Variants in RIMBP2 observed in about 807,000 individuals in gnomAD.
RIMBP2 encodes RIMS-binding protein 2.
Under a neutral mutation model 118.6 loss-of-function variants are expected in RIMBP2, and 48 were observed. The ratio of observed to expected loss-of-function variants is 0.40; its 90% CI spans 0.32 to 0.51. The LOEUF (loss-of-function observed/expected upper bound fraction) is 0.51. Ranked by LOEUF, RIMBP2 falls within the 20% of genes least tolerant of loss-of-function variation. RIMBP2 has a pLI of 0.41. For synonymous variants in RIMBP2, 762 were observed against 742.9 expected, an observed-to-expected ratio of 1.03 and a Z score of -0.42; for missense variants, 1,551 against 1,768.3, an observed-to-expected ratio of 0.88 and a Z score of 2.20.
In RIMBP2 at chr12:130,419,616, G is replaced by A. The variant is rs2076299207; in HGVS notation, c.3238+2837C>T. The A allele has an allele frequency of 1.3e-5, 2 of 152,188 alleles. No homozygotes were observed. Among genetic ancestry groups the A allele is most frequent in the Non-Finnish European group, 2.9e-5 (2 of 68,032 alleles). 9.4% of individuals were successfully genotyped at this position (152,188 alleles called of 1,614,324 possible). ...AAGCTTTGTCAATAGAGTTACTAAT[G>A]TTTTTATTTTTCCTCCCTGGACACA... On this transcript the variant is annotated intron_variant, in intron 17 of 22. Transcript: ENST00000690449. The surrounding 1 kb of genome is among the most constrained non-coding windows in gnomAD (Gnocchi z 4.3).
In RIMBP2 at chr12:130,623,529, CAGTT is replaced by C. The variant is rs1356601170; in HGVS notation, c.-217+4789_-217+4792del. On this transcript the variant is annotated intron_variant, in intron 2 of 22. Coordinates refer to ENST00000690449, the MANE Select transcript of RIMBP2 (RefSeq NM_001393629.1). The surrounding 1 kb of genome is among the most constrained non-coding windows in gnomAD (Gnocchi z 4.1). ...ATAATAATTAGGCATGGTTAGGGGA[CAGTT>C]AGTTAACTGTTGTCATCTGTGTGTG... 2.0e-5 allele frequency among the ~76,000 whole-genome samples: 3 copies of C among 152,066 alleles called. No homozygotes were observed. Among genetic ancestry groups the C allele is most frequent in the Non-Finnish European group, 4.4e-5 (3 of 68,014 alleles).
chr12:130,622,734 C>T lies in RIMBP2; in HGVS notation c.-217+5588G>A, dbSNP rs759633272. On this transcript the variant is annotated intron_variant, in intron 2 of 22. Coordinates refer to ENST00000690449, the MANE Select transcript of RIMBP2 (RefSeq NM_001393629.1). The surrounding 1 kb of genome is among the most constrained non-coding windows in gnomAD (Gnocchi z 8.5). ...TGTCTATTTTATTGCCTGTACAACACTCTTGGAAATATTGGGCTAGTTGGC... is the reference window on the plus strand; with the variant it reads ...TGTCTATTTTATTGCCTGTACAACATTCTTGGAAATATTGGGCTAGTTGGC... 6.6e-6 allele frequency among the ~76,000 whole-genome samples: 1 copy of T among 152,160 alleles called. No homozygotes were observed. Among genetic ancestry groups the T allele is most frequent in the Non-Finnish European group, 1.5e-5 (1 of 68,028 alleles).
intron 1 of RIMBP2, among the ~76,000 whole-genome samples, chr12:130,684,472 CA>C (rs1234540415): frequency 6.6e-6 from 1 of 152,098 alleles, no homozygotes; most frequent in Non-Finnish European, 1.5e-5. Context: ...CAAAGGCGTT[CA>C]AACCATAGCG....
At chr12:130,640,999 A>T (rs1050960989) in intron 1 of RIMBP2, among the ~76,000 whole-genome samples, 1 of 152,242 alleles carries the variant, frequency 6.6e-6, no homozygotes, top group Non-Finnish European at 1.5e-5. Context: ...TATTAAAGCT[A>T]ACTAATGTCG....
intron 1 of RIMBP2, among the ~76,000 whole-genome samples, chr12:130,714,782 T>A (rs1007211306): frequency 3.3e-5 from 5 of 151,960 alleles, no homozygotes; most frequent in African/African-American, 1.2e-4. Context: ...ACCCTGCCCA[T>A]CCCACTGGGA....
chr12:130,424,766 G>A lies in RIMBP2; in HGVS notation c.2505C>T (p.Pro835=), dbSNP rs536366792. 2.7e-4 allele frequency: 337 copies of A among 1,232,664 alleles called. No homozygotes were observed. The highest frequency in any genetic ancestry group is 4.5e-4 in the African/African-American group (29 of 64,540). The allele number at this position is 1,232,664 out of a possible 1,614,324, so 76.4% of individuals were successfully genotyped here. A position where few individuals can be genotyped will look rare whatever the true frequency, so the allele number is the denominator to read the frequency against. The change falls in exon 16 of 23, where the codon CCC becomes CCT. Residue 835 remains proline (P), a synonymous_variant. Transcript: ENST00000690449. The surrounding 1 kb of genome is among the most constrained non-coding windows in gnomAD (Gnocchi z 9.8). ...QPHRKRLFSI[P]EVAEEDGECC... ...ACTCTCCGTCCTCTTCCGCTACTTCGGGGATACTGAAAAGTCTCTTCCTGT... is the reference window on the plus strand; with the variant it reads ...ACTCTCCGTCCTCTTCCGCTACTTCAGGGATACTGAAAAGTCTCTTCCTGT...
chr12:130,704,512 T>C (rs1361980599), intron 1 of RIMBP2, among the ~76,000 whole-genome samples: 2 of 152,040 alleles, frequency 1.3e-5, no homozygotes, highest in East Asian at 3.9e-4. Context: ...GAGGCAGAGG[T>C]TGCAGTGAGC....
At chr12:130,532,460 C>T (rs2053540332) in intron 2 of RIMBP2, among the ~76,000 whole-genome samples, 2 of 148,830 alleles carry the variant, frequency 1.3e-5, no homozygotes, top group Non-Finnish European at 1.5e-5. Flanking sequence ...TAATGAGATG[C>T]GTGTGTTCAG....
At chr12:130,672,598 TA>T (rs2064250912) in intron 1 of RIMBP2, among the ~76,000 whole-genome samples, 1 of 152,172 alleles carries the variant, frequency 6.6e-6, no homozygotes, top group African/African-American at 2.4e-5. Context: ...AGTTGCCAGC[TA>T]AGCCAGAACC....
chr12:130,451,768 C>T (rs993812152), intron 7 of RIMBP2, among the ~76,000 whole-genome samples: 3 of 151,786 alleles, frequency 2.0e-5, no homozygotes, highest in Non-Finnish European at 4.4e-5. Context: ...TGGATCCCGG[C>T]GATGGGCTTG....
Position 130,422,754 on chromosome 12 carries a change from C to T in RIMBP2, c.3130-193G>A, listed in dbSNP as rs765080412. Among the ~76,000 whole-genome samples the T allele has an allele frequency of 5.3e-5, 8 of 152,208 alleles. No homozygotes were observed. The highest frequency in any genetic ancestry group is 1.2e-4 in the African/African-American group (5 of 41,446). ...CAGCACCCCACTGTCTACTCGGAGC[C>T]GCTGCTGGGCGCATGGTGGGGTGAG... On this transcript the variant is annotated intron_variant, in intron 16 of 22. Coordinates refer to ENST00000690449, the MANE Select transcript of RIMBP2 (RefSeq NM_001393629.1). This position sits in a 1 kb window ranked among gnomAD's most constrained non-coding sequence, Gnocchi z 5.2.
At chr12:130,631,356 T>C (rs758206629) in intron 1 of RIMBP2, among the ~76,000 whole-genome samples, 3 of 152,168 alleles carry the variant, frequency 2.0e-5, no homozygotes, top group African/African-American at 4.8e-5. Context: ...AATTTAACTA[T>C]GTGTATAGAC....
chr12:130,526,885 G>A (rs2052847506), intron 2 of RIMBP2, among the ~76,000 whole-genome samples: 1 of 152,110 alleles, frequency 6.6e-6, no homozygotes, highest in Non-Finnish European at 1.5e-5. Context: ...TAGCCTAAAG[G>A]CATGGGTGGG....
intron 9 of RIMBP2, among the ~76,000 whole-genome samples, chr12:130,445,889 A>G (rs1191631845): frequency 1.3e-5 from 2 of 152,180 alleles, no homozygotes; most frequent in Non-Finnish European, 2.9e-5. Flanking sequence ...ATATTTTTGC[A>G]CACTTCCACA....
chr12:130,597,390 C>T (rs1472471278), intron 2 of RIMBP2, among the ~76,000 whole-genome samples: 6 of 152,264 alleles, frequency 3.9e-5, no homozygotes, highest in African/African-American at 1.4e-4. Context: ...ATTACAGGCA[C>T]ATGCCACCAC....
intron 1 of RIMBP2, among the ~76,000 whole-genome samples, chr12:130,662,636 CAG>C (rs1006245897): frequency 6.6e-6 from 1 of 151,560 alleles, no homozygotes; most frequent in Non-Finnish European, 1.5e-5. Context: ...AGCCTGGTGA[CAG>C]AGCAAGACTC....
intron 2 of RIMBP2, among the ~76,000 whole-genome samples, chr12:130,610,175 C>T (rs541664954): frequency 0.011 from 1,653 of 151,600 alleles, 24 homozygotes; most frequent in African/African-American, 0.037. Flanking sequence ...CGGTCCCTCC[C>T]GTTCTGGGGG....
rs568840551 is a variant in RIMBP2, at chr12:130,397,425, T to A, written c.4025A>T (p.Lys1342Ile). ...TTTGGAAAGCAGCCCCTTTTTCTTT[T>A]TCGAGGACATTTCCCTGCCTCTCCC... ...SPGRGREMSS[K>I]KKKGLLSKGK... The change falls in exon 23 of 23, where the codon AAA becomes ATA. Residue 1342 changes from lysine to isoleucine, a missense_variant. Around this residue, in one of 5 missense-constraint regions of RIMBP2, gnomAD observed 1,038 missense variants for 1,125.1 expected, o/e 0.92. Transcript: ENST00000690449. 1 of 398,978 alleles carries A rather than the reference T, an allele frequency of 2.5e-6. No homozygotes were observed. Among genetic ancestry groups the A allele is most frequent in the African/African-American group, 2.1e-5 (1 of 48,622 alleles). 24.7% of individuals were successfully genotyped at this position (398,978 alleles called of 1,614,324 possible).
rs1239407950 is a variant in RIMBP2 at position 130,648,471 on chromosome 12, C to T, written c.-351-20015G>A. On this transcript the variant is annotated intron_variant, in intron 1 of 22. Coordinates refer to ENST00000690449, the MANE Select transcript of RIMBP2 (RefSeq NM_001393629.1). ...AATATCCCCTTAAAATACATTCCAT[C>T]TGTATGCGTCTTCTAAATCCCCCAG... Among the ~76,000 whole-genome samples the T allele has an allele frequency of 1.4e-5, 2 of 145,374 alleles. 1 individual carries two copies. The highest frequency in any genetic ancestry group is 3.1e-5 in the Non-Finnish European group (2 of 64,316).
Sources: allele counts gnomAD v4.1 joint callset (sites outside exome capture counted in the v4.1 genomes callset), GRCh38; gene constraint gnomAD v4.1.1; regional missense constraint gnomAD v4.1.1; non-coding constraint Gnocchi (gnomAD v3.1); transcripts MANE v1.5; gene names NCBI Gene and HGNC (gene_info 2026-07-23, HGNC 2026-07-21).